Variants in ZNF423 observed in about 807,000 individuals in gnomAD.
ZNF423 encodes Ebf-associated zinc finger protein.
Under a neutral mutation model 95.8 loss-of-function variants are expected in ZNF423, and 12 were observed. That is an observed-to-expected ratio of 0.13 (90% confidence interval 0.08 to 0.20). The LOEUF is 0.20. Among genes scored for constraint, ZNF423 ranks in the 10% least tolerant of loss-of-function variants. The pLI is 1.00. For synonymous variants in ZNF423, 749 were observed against 711.9 expected (o/e 1.05, Z -0.83); for missense variants, 1,316 against 1,737.1 (o/e 0.76, Z 4.31).
intron 3 of ZNF423, among the ~76,000 whole-genome samples, chr16:49,671,284 T>A (rs957187178): frequency 1.3e-5 from 2 of 151,666 alleles, no homozygotes; most frequent in Admixed American, 1.3e-4. Context: ...GTGAAGGGGG[T>A]CCCCTCTGAT....
intron 5 of ZNF423, among the ~76,000 whole-genome samples, chr16:49,564,148 T>G (rs922782885): frequency 6.6e-6 from 1 of 152,210 alleles, no homozygotes; most frequent in Admixed American, 6.6e-5. Flanking sequence ...GTTAAATGGA[T>G]AGATTTGCTA....
intron 3 of ZNF423, among the ~76,000 whole-genome samples, chr16:49,672,062 T>C (rs947325919): frequency 6.6e-6 from 1 of 152,180 alleles, no homozygotes; most frequent in Non-Finnish European, 1.5e-5. Context: ...TCAGACTTTT[T>C]CAGATTCTAG....
intron 5 of ZNF423, among the ~76,000 whole-genome samples, chr16:49,555,363 G>A (rs1969783899): frequency 1.3e-5 from 2 of 152,190 alleles, no homozygotes; most frequent in Admixed American, 1.3e-4. Context: ...AATAAACAGA[G>A]GCAACATTTA....
chr16:49,564,513 A>G (rs1173153409), intron 5 of ZNF423, among the ~76,000 whole-genome samples: 1 of 152,188 alleles, frequency 6.6e-6, no homozygotes, highest in Non-Finnish European at 1.5e-5. Context: ...CCTTAAACAT[A>G]TGAAATCAAA....
chr16:49,512,239 G>A (rs1479844658), intron 7 of ZNF423, among the ~76,000 whole-genome samples: 1 of 152,138 alleles, frequency 6.6e-6, no homozygotes, highest in Non-Finnish European at 1.5e-5. Context: ...GATTGAGCAC[G>A]TCCACACATG....
At chr16:49,755,700 C>T (rs1381762650) in intron 2 of ZNF423, among the ~76,000 whole-genome samples, 2 of 152,134 alleles carry the variant, frequency 1.3e-5, no homozygotes, top group African/African-American at 4.8e-5. Context: ...TCTACGAACC[C>T]TCTGTAAATT....
intron 5 of ZNF423, among the ~76,000 whole-genome samples, chr16:49,555,182 G>A (rs1175557399): frequency 1.3e-5 from 2 of 152,080 alleles, no homozygotes; most frequent in Admixed American, 6.5e-5. Flanking sequence ...AAAATACACT[G>A]GTCATTCCTT....
chr16:49,747,171 CA>C (rs1241855488), intron 2 of ZNF423, among the ~76,000 whole-genome samples: 1 of 151,336 alleles, frequency 6.6e-6, no homozygotes, highest in Non-Finnish European at 1.5e-5. Flanking sequence ...TTGTAATAGC[CA>C]AAAAAAATTA....
At chr16:49,819,036 G>C (rs1398069645) in intron 1 of ZNF423, among the ~76,000 whole-genome samples, 1 of 151,882 alleles carries the variant, frequency 6.6e-6, no homozygotes, top group African/African-American at 2.4e-5. Context: ...GGTGGATTAC[G>C]AGGTCAAGAG....
chr16:49,852,063 C>G (rs1318914115), intron 1 of ZNF423, among the ~76,000 whole-genome samples: 3 of 152,158 alleles, frequency 2.0e-5, no homozygotes, highest in Non-Finnish European at 4.4e-5. Context: ...AACCTGTAAC[C>G]TCAGAACGCC....
chr16:49,581,194 A>C (rs896039107), intron 5 of ZNF423, among the ~76,000 whole-genome samples: 2 of 152,210 alleles, frequency 1.3e-5, no homozygotes, highest in African/African-American at 4.8e-5. Context: ...TGTAATCAGA[A>C]GAACATTAAA....
chr16:49,527,352 G>T (rs1968654384), intron 5 of ZNF423, among the ~76,000 whole-genome samples: 1 of 152,194 alleles, frequency 6.6e-6, no homozygotes. Flanking sequence ...GGGACACAGG[G>T]CAGGCTCAGC....
chr16:49,768,234 C>T (rs1344471882), intron 2 of ZNF423, among the ~76,000 whole-genome samples: 1 of 152,190 alleles, frequency 6.6e-6, no homozygotes, highest in Admixed American at 6.5e-5. Context: ...GAGCGGGAGC[C>T]GGGAACGGGG....
chr16:49,639,399 T>A (rs1011507297), intron 3 of ZNF423, among the ~76,000 whole-genome samples: 1 of 152,184 alleles, frequency 6.6e-6, no homozygotes, highest in African/African-American at 2.4e-5. Flanking sequence ...GGCCATAGAA[T>A]GCACCATTCT....
chr16:49,846,992 G>C (rs1470088022), intron 1 of ZNF423: 1 of 152,284 alleles, frequency 6.6e-6, no homozygotes, highest in East Asian at 1.9e-4. Flanking sequence ...CTGCCTTCAG[G>C]CAGGTAAAAT....
At chr16:49,519,492 T>G (rs1046956996) in intron 7 of ZNF423, among the ~76,000 whole-genome samples, 3 of 152,216 alleles carry the variant, frequency 2.0e-5, no homozygotes, top group Non-Finnish European at 4.4e-5. Flanking sequence ...TGGTTTTCAC[T>G]TGCCCTTCCC....
chr16:49,738,402 A>G (rs2033339492), intron 2 of ZNF423, among the ~76,000 whole-genome samples: 1 of 152,084 alleles, frequency 6.6e-6, no homozygotes. Flanking sequence ...TCAGCCCCCA[A>G]CCATGAGTGA....
At chr16:49,801,556 G>A (rs146783677) in intron 1 of ZNF423, among the ~76,000 whole-genome samples, 26 of 152,266 alleles carry the variant, frequency 1.7e-4, no homozygotes, top group African/African-American at 5.3e-4. Context: ...GTGCACTTCG[G>A]TTGCACAAAG....
chr16:49,791,865 G>A (rs575609033), intron 1 of ZNF423, among the ~76,000 whole-genome samples: 90 of 151,974 alleles, frequency 5.9e-4, no homozygotes, highest in Non-Finnish European at 1.0e-3. Context: ...AGCCAGGCAT[G>A]GTGGTGCATG....
Sources: allele counts gnomAD v4.1 joint callset (sites outside exome capture counted in the v4.1 genomes callset), GRCh38; gene constraint gnomAD v4.1.1; transcripts MANE v1.5; gene names NCBI Gene and HGNC (gene_info 2026-07-23, HGNC 2026-07-21).